CLPTM1L: variants seen among roughly 807,000 people sequenced by gnomAD.
The protein encoded by CLPTM1L is lipid scramblase CLPTM1L.
CLPTM1L carries 38 observed loss-of-function variants against 70.9 expected under a neutral mutation model. The observed-to-expected ratio is 0.54, with a 90% confidence interval of 0.41 to 0.70. CLPTM1L has a LOEUF of 0.70. Ranked by LOEUF, CLPTM1L falls within the 30% of genes least tolerant of loss-of-function variation. The probability of loss-of-function intolerance (pLI) is 0.00; values close to 1 mark genes in which losing one functional copy is unlikely to be tolerated. For synonymous variants in CLPTM1L, 339 were observed against 299.9 expected (o/e 1.13, Z -1.35); for missense variants, 652 against 705.9 (o/e 0.92, Z 0.87).
chr5:1,327,284 C>T (rs1410138967), intron 9 of CLPTM1L, among the ~76,000 whole-genome samples: 3 of 150,480 alleles, frequency 2.0e-5, no homozygotes, highest in African/African-American at 4.9e-5. Context: ...TCTACAGGGA[C>T]ATTTCATCCA....
intron 5 of CLPTM1L, among the ~76,000 whole-genome samples, chr5:1,336,592 T>C (rs1753590620): frequency 1.3e-5 from 2 of 152,320 alleles, no homozygotes; most frequent in African/African-American, 4.8e-5. Flanking sequence ...CAGCTCTGTA[T>C]GGGGCATTTT....
chr5:1,331,859 T>C lies in CLPTM1L; in HGVS notation c.916A>G (p.Lys306Glu), dbSNP rs1300178329. ...TTCTTCCAGAAACTGATGTCATTTT[T>C]AAAGGCCAGGAAATCAAAGAGAAGC... is the stretch of plus-strand genomic sequence containing the variant. ...FHLLFDFLAF[K>E]NDISFWKKKK... The change falls in exon 8 of 17, where the codon AAA (lysine) becomes GAA (glutamate). Residue 306 changes from lysine to glutamate, a missense_variant. Transcript: ENST00000320895. 6.2e-7 allele frequency: 1 copy of C among 1,613,408 alleles called. No individual in the cohort carries two copies.
chr5:1,326,023 G>A (rs1579625585), intron 9 of CLPTM1L: 1 of 568,012 alleles, frequency 1.8e-6, no homozygotes, highest in East Asian at 2.8e-5. Flanking sequence ...ACCTGGTCAG[G>A]TGGGCTGCAC....
chr5:1,333,071 GA>G (rs1753229286), intron 7 of CLPTM1L, among the ~76,000 whole-genome samples: 1 of 119,224 alleles, frequency 8.4e-6, no homozygotes, highest in African/African-American at 3.5e-5. Flanking sequence ...GATAAGGGGG[GA>G]CTACTGTATA....
chr5:1,335,579 G>A (rs1368299446), intron 5 of CLPTM1L, among the ~76,000 whole-genome samples: 1 of 152,254 alleles, frequency 6.6e-6, no homozygotes, highest in African/African-American at 2.4e-5. Flanking sequence ...CTAAGAGTTG[G>A]AGACCACGGG....
At chr5:1,332,127 C>G (rs974919573) in intron 7 of CLPTM1L, 140 of 521,238 alleles carry the variant, frequency 2.7e-4, no homozygotes, top group East Asian at 3.8e-4. Context: ...TTGACTTGAA[C>G]TGCTGGAAAG....
rs534878171 is a variant in CLPTM1L, at chr5:1,329,143, C to T, written c.1080+1137G>A. The stretch of plus-strand genomic sequence containing the variant: ...GGAGCTAGGCTTAAGCCTGGGCCCT[C>T]TCACCCTGAAGGCCATCGCCCCCCT... On this transcript the variant is annotated intron_variant, in intron 9 of 16. Coordinates refer to ENST00000320895, the MANE Select transcript of CLPTM1L (RefSeq NM_030782.5). 2.4e-3 allele frequency among the ~76,000 whole-genome samples: 359 copies of T among 152,400 alleles called. 1 individual carries two copies. Among genetic ancestry groups the T allele is most frequent in the African/African-American group, 8.2e-3 (342 of 41,602 alleles).
intron 1 of CLPTM1L, 56 bp from the exon 2 acceptor site, chr5:1,344,507 C>G (rs906213806): frequency 1.9e-5 from 30 of 1,538,540 alleles, no homozygotes; most frequent in Non-Finnish European, 2.5e-5. Context: ...AGGACGCACT[C>G]AAATCCCACG....
rs1753764983 is a variant in CLPTM1L, at chr5:1,338,977, C to T, written c.482G>A (p.Ser161Asn). ...GTGGGACACTGGCTCATCCAGGGCACTCGTCGGCTTCTTCTCCGCCTCGAT... is the reference window on the plus strand; with the variant it reads ...GTGGGACACTGGCTCATCCAGGGCATTCGTCGGCTTCTTCTCCGCCTCGAT... The part of the protein sequence containing the change: ...QQIEAEKKPT[S>N]ALDEPVSHWR... The change falls in exon 4 of 17, where the codon AGT becomes AAT. Residue 161 changes from serine (S) to asparagine (N), a missense_variant. Ser to Asn is a conservative substitution (Grantham distance 46). Coordinates refer to ENST00000320895, the MANE Select transcript of CLPTM1L (RefSeq NM_030782.5). 6.2e-7 allele frequency: 1 copy of T among 1,613,274 alleles called. No individual in the cohort carries two copies. The highest frequency in any genetic ancestry group is 8.5e-7 in the Non-Finnish European group (1 of 1,179,954).
intron 3 of CLPTM1L, 28 bp downstream of exon 3, chr5:1,341,643 G>C (rs764419456): frequency 6.4e-7 from 1 of 1,571,222 alleles, no homozygotes; most frequent in Non-Finnish European, 8.7e-7. Context: ...GGCACAGCCT[G>C]TTATCAGTAA....
intron 16 of CLPTM1L, chr5:1,320,181 A>C (rs1405976675): frequency 1.3e-5 from 2 of 155,212 alleles, no homozygotes; most frequent in African/African-American, 2.4e-5. Context: ...GGTGCGGCCA[A>C]TGCTGAGGTG....
chr5:1,326,922 C>T (rs571575648), intron 9 of CLPTM1L, among the ~76,000 whole-genome samples: 10 of 150,700 alleles, frequency 6.6e-5, no homozygotes, highest in African/African-American at 2.5e-4. Flanking sequence ...CATCCAGCTC[C>T]TCCTCTACGG....
Position 1,338,975 on chromosome 5 carries a change from C to G in CLPTM1L, c.484G>C (p.Ala162Pro), listed in dbSNP as rs1253947636. The G allele has an allele frequency of 6.2e-7, 1 of 1,613,302 alleles. No homozygotes were observed. Among genetic ancestry groups the G allele is most frequent in the Non-Finnish European group, 8.5e-7 (1 of 1,179,974 alleles). Residue 162 changes from alanine (A) to proline (P), a missense_variant, in exon 4 of 17, where the codon GCC becomes CCC. Physicochemically the swap from Ala to Pro is conservative, Grantham distance 27. Transcript: ENST00000320895. ...QIEAEKKPTSALDEPVSHWRP... is the reference protein window; with the variant it reads ...QIEAEKKPTSPLDEPVSHWRP... ...CAGTGGGACACTGGCTCATCCAGGGCACTCGTCGGCTTCTTCTCCGCCTCG... is the reference window on the plus strand; with the variant it reads ...CAGTGGGACACTGGCTCATCCAGGGGACTCGTCGGCTTCTTCTCCGCCTCG...
At chr5:1,333,670 T>C (rs1401060183) in intron 7 of CLPTM1L, among the ~76,000 whole-genome samples, 9 of 86,684 alleles carry the variant, frequency 1.0e-4, no homozygotes, top group Non-Finnish European at 1.4e-4. Context: ...CGGCTGAGGA[T>C]AAGGGGGGAC....
At chr5:1,333,170 G>A (rs1334087939) in intron 7 of CLPTM1L, among the ~76,000 whole-genome samples, 1 of 75,928 alleles carries the variant, frequency 1.3e-5, no homozygotes, top group Admixed American at 1.3e-4. Flanking sequence ...GATAAGGGGG[G>A]ACTACTGTAT....
intron 2 of CLPTM1L, 74 bp downstream of exon 2, chr5:1,344,277 G>T: frequency 9.8e-7 from 1 of 1,022,296 alleles, no homozygotes; most frequent in Non-Finnish European, 1.5e-6. Context: ...GTTATGTACA[G>T]AAAGCTAACT....
chr5:1,324,850 C>G, intron 10 of CLPTM1L, 37 bp from the exon 11 acceptor site: 3 of 1,589,944 alleles, frequency 1.9e-6, no homozygotes, highest in Non-Finnish European at 1.7e-6. Flanking sequence ...TTAATAGACT[C>G]AGGGAGGATC....
Position 1,342,009 on chromosome 5 carries a change from C to CGTGTGTGTGTGT in CLPTM1L, c.264-161_264-150dup, listed in dbSNP as rs71598674. On this transcript the variant is annotated intron_variant, in intron 2 of 16. Coordinates refer to ENST00000320895, the MANE Select transcript of CLPTM1L (RefSeq NM_030782.5). The surrounding 1 kb of genome is among the most constrained non-coding windows in gnomAD (Gnocchi z 4.3). ...CCCACCTGCCCAGGGCTTTACGAGT[C>CGTGTGTGTGTGT]GTGTGTGTGTGTGTGTGTGTGTGTG... is the stretch of plus-strand genomic sequence containing the variant. The CGTGTGTGTGTGT allele has an allele frequency of 1.6e-5, 8 of 503,132 alleles. No individual in the cohort carries two copies. Among genetic ancestry groups the CGTGTGTGTGTGT allele is most frequent in the African/African-American group, 1.2e-4 (5 of 40,106 alleles). 31.2% of individuals were successfully genotyped at this position (503,132 alleles called of 1,614,324 possible).
At chr5:1,321,848 G>A (rs756553204) in intron 13 of CLPTM1L, 29 bp from the exon 14 acceptor site, 79 of 1,605,392 alleles carry the variant, frequency 4.9e-5, no homozygotes, top group Non-Finnish European at 6.4e-5. Context: ...CACTCACGAG[G>A]TGCGGAGGGC....
Sources: gnomAD v4.1 joint callset for allele counts (sites outside exome capture counted in the v4.1 genomes callset) on GRCh38, gnomAD v4.1.1 for gene constraint, Gnocchi (gnomAD v3.1) non-coding constraint, MANE v1.5 for transcripts, NCBI Gene and HGNC (gene_info 2026-07-23, HGNC 2026-07-21) for gene names.